PCDH9: variants seen among roughly 807,000 people sequenced by gnomAD.
PCDH9 encodes the protein protocadherin 9, also known as protocadherin-9.
PCDH9 carries 24 observed loss-of-function variants against 70.6 expected under a neutral mutation model. The observed-to-expected ratio is 0.34, with a 90% CI of 0.25 to 0.48. The LOEUF (loss-of-function observed/expected upper bound fraction) is 0.48, where lower values mean the gene tolerates loss of function less well. Ranked by LOEUF, PCDH9 falls within the 20% of genes least tolerant of loss-of-function variation. The pLI is 0.99. For missense variants in PCDH9, 1,281 were observed against 1,503.6 expected, an observed-to-expected ratio of 0.85 and a Z score of 2.45; for synonymous variants, 562 against 558.5, an observed-to-expected ratio of 1.01 and a Z score of -0.09.
intron 4 of PCDH9, among the ~76,000 whole-genome samples, chr13:66,385,119 TTC>T (rs1956908312): frequency 2.0e-5 from 3 of 152,186 alleles, no homozygotes; most frequent in Admixed American, 6.6e-5. Context: ...AGTGTTTTCT[TTC>T]TCTCTCTGGA....
At chr13:66,474,309 C>T (rs1958677599) in intron 4 of PCDH9, among the ~76,000 whole-genome samples, 3 of 152,082 alleles carry the variant, frequency 2.0e-5, no homozygotes, top group Admixed American at 2.0e-4. Flanking sequence ...GTTTATACTG[C>T]TATCTGTTTT....
intron 2 of PCDH9, among the ~76,000 whole-genome samples, chr13:67,026,818 C>T (rs1207630351): frequency 6.6e-6 from 1 of 151,710 alleles, no homozygotes; most frequent in Non-Finnish European, 1.5e-5. Flanking sequence ...TTCACAATTG[C>T]TTCAAAGAGA....
At chr13:67,165,623 C>A (rs914517997) in intron 2 of PCDH9, among the ~76,000 whole-genome samples, 2 of 151,652 alleles carry the variant, frequency 1.3e-5, no homozygotes, top group African/African-American at 4.8e-5. Context: ...ATCTATCTAC[C>A]CCCTCCAGGA....
intron 3 of PCDH9, among the ~76,000 whole-genome samples, chr13:66,826,376 T>C (rs1300096106): frequency 6.6e-6 from 1 of 152,208 alleles, no homozygotes; most frequent in African/African-American, 2.4e-5. Context: ...ATGGATAAAG[T>C]TACAGTCCAT....
chr13:66,994,326 A>AACGG (rs1371230295), intron 2 of PCDH9, among the ~76,000 whole-genome samples: 1 of 152,192 alleles, frequency 6.6e-6, no homozygotes, highest in Non-Finnish European at 1.5e-5. Context: ...CCCTGAAAGG[A>AACGG]ACGGCCTGCA....
intron 4 of PCDH9, among the ~76,000 whole-genome samples, chr13:66,463,814 C>T (rs991875865): frequency 6.6e-6 from 1 of 151,702 alleles, no homozygotes; most frequent in Non-Finnish European, 1.5e-5. Context: ...TCACATTTTC[C>T]TCAAAGGTAC....
intron 3 of PCDH9, among the ~76,000 whole-genome samples, chr13:66,874,942 T>TGTGTGTGTGTGTGAGAGAGA (rs533672911): frequency 2.0e-4 from 22 of 110,022 alleles, no homozygotes; most frequent in African/African-American, 5.7e-4. Flanking sequence ...TGTGTGTGTG[T>TGTGTGTGTGTGTGAGAGAGA]GAGAGAGAGA....
chr13:66,811,668 TCCTG>T (rs1372484360), intron 3 of PCDH9, among the ~76,000 whole-genome samples: 1 of 148,934 alleles, frequency 6.7e-6, no homozygotes, highest in African/African-American at 2.5e-5. Flanking sequence ...TAACCTGCCT[TCCTG>T]CCTGCCTGTC....
intron 3 of PCDH9, among the ~76,000 whole-genome samples, chr13:66,641,951 T>C (rs566103875): frequency 4.8e-4 from 73 of 152,298 alleles, no homozygotes; most frequent in African/African-American, 1.7e-3. Flanking sequence ...TCAATGAAAA[T>C]ATTGTTTGCA....
intron 2 of PCDH9, among the ~76,000 whole-genome samples, chr13:67,120,187 A>AAATAATAATAAT (rs149316252): frequency 0.29 from 40,964 of 143,418 alleles, 6,181 homozygotes; most frequent in Middle Eastern, 0.36. Context: ...CTCATGCATT[A>AAATAATAATAAT]AATAATAATA....
intron 2 of PCDH9, among the ~76,000 whole-genome samples, chr13:67,023,833 C>T (rs1187654754): frequency 6.6e-6 from 1 of 151,996 alleles, no homozygotes; most frequent in African/African-American, 2.4e-5. Flanking sequence ...AAGAATAAAA[C>T]TTAAATACAA....
chr13:66,915,612 A>G (rs1167625343), intron 2 of PCDH9, among the ~76,000 whole-genome samples: 1 of 151,694 alleles, frequency 6.6e-6, no homozygotes, highest in Non-Finnish European at 1.5e-5. Flanking sequence ...AAACAGCTAC[A>G]GATTATGTAA....
rs189798722 is a variant in PCDH9, at chr13:66,952,163, G to A, written c.3037-48558C>T. The stretch of plus-strand genomic sequence containing the variant: ...TTTCCCCTTCATGATATAGCAGAAT[G>A]CTGACAGCACACTGTAGGGTACATA... On this transcript the variant is annotated intron_variant, in intron 2 of 4. Coordinates refer to ENST00000377865, the MANE Select transcript of PCDH9 (RefSeq NM_203487.3). Among the ~76,000 whole-genome samples the A allele has an allele frequency of 1.6e-3, 239 of 152,218 alleles. 3 individuals carry two copies. Among genetic ancestry groups the A allele is most frequent in the African/African-American group, 5.3e-3 (222 of 41,542 alleles).
chr13:66,568,998 T>C (rs1255849992), intron 4 of PCDH9, among the ~76,000 whole-genome samples: 1 of 124,882 alleles, frequency 8.0e-6, no homozygotes, highest in Non-Finnish European at 1.7e-5. Context: ...ACATGTCTTT[T>C]TTTTTTTTTT....
intron 4 of PCDH9, among the ~76,000 whole-genome samples, chr13:66,452,692 T>TACTTTCTCAATAA (rs1958237942): frequency 6.6e-6 from 1 of 152,120 alleles, no homozygotes; most frequent in African/African-American, 2.4e-5. Flanking sequence ...TCAAAGTAAT[T>TACTTTCTCAATAA]GCAAATAAGA....
At chr13:66,341,931 T>A (rs1956133834) in intron 4 of PCDH9, among the ~76,000 whole-genome samples, 1 of 152,162 alleles carries the variant, frequency 6.6e-6, no homozygotes. Flanking sequence ...CTGCAAGCTA[T>A]AACAGGGCAA....
Position 67,207,264 on chromosome 13 carries a change from A to T in PCDH9, c.3036+18141T>A, listed in dbSNP as rs565417678. The T allele has an allele frequency of 2.0e-5, 3 of 152,084 alleles. No homozygotes were observed. In the South Asian group the frequency reaches 6.2e-4, roughly 31 times the overall value. 9.4% of individuals were successfully genotyped at this position (152,084 alleles called of 1,614,324 possible). A position where few individuals can be genotyped will look rare whatever the true frequency, so the allele number is the denominator to read the frequency against. On this transcript the variant is annotated intron_variant, in intron 2 of 4. Transcript: ENST00000377865. The stretch of plus-strand genomic sequence containing the variant: ...ACTTTTGCTGACTAACTACAAGTTT[A>T]TGTTTTGTATAAAAGTTCCATGATA...
chr13:66,551,191 C>T (rs1961470820), intron 4 of PCDH9, among the ~76,000 whole-genome samples: 3 of 152,062 alleles, frequency 2.0e-5, no homozygotes, highest in Admixed American at 2.0e-4. Context: ...TGTAACCTCC[C>T]TAAAACGACC....
intron 2 of PCDH9, chr13:67,212,837 T>C (rs1481762828): frequency 6.6e-6 from 1 of 152,064 alleles, no homozygotes; most frequent in African/African-American, 2.4e-5. Flanking sequence ...CCAGGAAATA[T>C]AAATGTCTTC....
Sources: gnomAD v4.1 joint callset for allele counts (sites outside exome capture counted in the v4.1 genomes callset) on GRCh38, gnomAD v4.1.1 for gene constraint, MANE v1.5 for transcripts, NCBI Gene and HGNC (gene_info 2026-07-23, HGNC 2026-07-21) for gene names.